The following KIAA1217 variants were observed in gnomAD, a reference collection of about 807,000 sequenced individuals.
KIAA1217 encodes the protein sickle tail protein homolog.
Under a neutral mutation model 163.9 loss-of-function variants are expected in KIAA1217, and 88 were observed. The ratio of observed to expected loss-of-function variants is 0.54; its 90% confidence interval spans 0.45 to 0.64. KIAA1217 has a LOEUF of 0.64. KIAA1217 is among the 30% of genes least tolerant of loss of function. KIAA1217 has a pLI of 0.00. For missense variants in KIAA1217, 2,372 were observed against 2,475.0 expected (o/e 0.96, Z 0.88); for synonymous variants, 903 against 923.1 (o/e 0.98, Z 0.39).
intron 2 of KIAA1217, among the ~76,000 whole-genome samples, chr10:24,099,573 ATATATATATATAT>A (rs1224134134): frequency 6.9e-6 from 1 of 144,770 alleles, no homozygotes; most frequent in East Asian, 2.0e-4. Flanking sequence ...TTTTCTTTAT[ATATATATATATAT>A]TATATATATA....
chr10:24,310,347 C>T (rs997202666), intron 2 of KIAA1217, among the ~76,000 whole-genome samples: 5 of 152,110 alleles, frequency 3.3e-5, no homozygotes, highest in African/African-American at 9.7e-5. Flanking sequence ...AGAAGGAAAC[C>T]GAAGCTGGTG....
In KIAA1217 at chr10:23,926,049, C is replaced by T. The variant is rs532062834; in HGVS notation, c.-320-81176C>T. 1.4e-3 allele frequency among the ~76,000 whole-genome samples: 218 copies of T among 152,280 alleles called. 3 individuals carry two copies. Among genetic ancestry groups the T allele is most frequent in the African/African-American group, 4.8e-3 (201 of 41,558 alleles). ...TGGTCCTCGATCCAGGCAGACCTCCCCATACTGAGGCAGAGACTGCACCTG... is the reference window on the plus strand; with the variant it reads ...TGGTCCTCGATCCAGGCAGACCTCCTCATACTGAGGCAGAGACTGCACCTG... On this transcript the variant is annotated intron_variant, in intron 1 of 18. Transcript: ENST00000376462.
At chr10:23,979,384 A>G (rs1845672149) in intron 1 of KIAA1217, among the ~76,000 whole-genome samples, 1 of 152,120 alleles carries the variant, frequency 6.6e-6, no homozygotes, top group Non-Finnish European at 1.5e-5. Flanking sequence ...GAGAATTTAT[A>G]TTTTAAGGTG....
chr10:24,043,296 G>A (rs2131561747), intron 2 of KIAA1217, among the ~76,000 whole-genome samples: 1 of 152,228 alleles, frequency 6.6e-6, no homozygotes, highest in African/African-American at 2.4e-5. Context: ...TGATTTTATA[G>A]TAAGATAAAA....
In KIAA1217 at chr10:24,544,456, C is replaced by G. The variant is rs371210365; in HGVS notation, c.5186C>G (p.Thr1729Arg). Reference protein sequence around the residue: ...DEGPTALEPPTSIPSASRKGS... With the variant: ...DEGPTALEPPRSIPSASRKGS... Reference sequence around the variant, plus strand: ...GGTCCCACTGCCCTAGAGCCCCCTACGTCGATACCTTCAGCTTCACGTAAG... The same window carrying G: ...GGTCCCACTGCCCTAGAGCCCCCTAGGTCGATACCTTCAGCTTCACGTAAG... Residue 1729 changes from threonine to arginine, a missense_variant, in exon 19 of 21, where the codon ACG (threonine) becomes AGG (arginine). By Grantham distance (71) the Thr-to-Arg change is moderately conservative. This residue lies in a region of KIAA1217 where 690 missense variants were observed against 677.5 expected (regional missense o/e 1.02). Coordinates refer to ENST00000376454, the MANE Select transcript of KIAA1217 (RefSeq NM_019590.5). 1.9e-6 allele frequency: 3 copies of G among 1,613,250 alleles called. No individual in the cohort carries two copies. The highest frequency in any genetic ancestry group is 2.2e-5 in the South Asian group (2 of 91,038).
At chr10:24,185,534 C>G (rs1443486314) in intron 2 of KIAA1217, among the ~76,000 whole-genome samples, 1 of 152,164 alleles carries the variant, frequency 6.6e-6, no homozygotes, top group East Asian at 1.9e-4. Context: ...GTGGCTCATG[C>G]CTGTAATCCC....
At chr10:23,794,018 C>T (rs1230178363) in intron 1 of KIAA1217, among the ~76,000 whole-genome samples, 2 of 152,184 alleles carry the variant, frequency 1.3e-5, no homozygotes, top group Non-Finnish European at 2.9e-5. Flanking sequence ...TATTGCCCTT[C>T]CAAATAGTCT....
At chr10:24,138,465 T>A (rs1040627459) in intron 2 of KIAA1217, among the ~76,000 whole-genome samples, 1 of 152,226 alleles carries the variant, frequency 6.6e-6, no homozygotes, top group Non-Finnish European at 1.5e-5. Flanking sequence ...TTTTTTCACA[T>A]ACTTGCAATT....
intron 2 of KIAA1217, among the ~76,000 whole-genome samples, chr10:24,264,999 T>A (rs1400151218): frequency 6.6e-6 from 1 of 152,198 alleles, no homozygotes; most frequent in South Asian, 2.1e-4. Flanking sequence ...TACAAGTGTG[T>A]GCCACTACCC....
chr10:24,046,382 A>C (rs1373638831), intron 2 of KIAA1217, among the ~76,000 whole-genome samples: 1 of 152,182 alleles, frequency 6.6e-6, no homozygotes, highest in East Asian at 1.9e-4. Flanking sequence ...TTTGCTGATA[A>C]GGAAACAGAC....
At chr10:23,953,799 A>G (rs1005699757) in intron 1 of KIAA1217, among the ~76,000 whole-genome samples, 2 of 152,228 alleles carry the variant, frequency 1.3e-5, no homozygotes, top group African/African-American at 2.4e-5. Context: ...TAATGGATTA[A>G]TTGACCCATA....
intron 5 of KIAA1217, among the ~76,000 whole-genome samples, chr10:24,453,692 G>A (rs1314340681): frequency 6.6e-6 from 1 of 152,202 alleles, no homozygotes; most frequent in Admixed American, 6.5e-5. Context: ...ATTACTTTCA[G>A]AGTTGTTCAT....
chr10:24,538,979 G>A lies in KIAA1217; in HGVS notation c.3534+2086G>A, dbSNP rs1361965201. Among the ~76,000 whole-genome samples the A allele has an allele frequency of 9.2e-5, 14 of 151,960 alleles. No individual in the cohort carries two copies. In the South Asian group the frequency reaches 1.7e-3, roughly 18 times the overall value. ...GAACTCCTGACCTCGTGATCCACCC[G>A]CCTCAGCCTCTCAAAATGCTGGGAT... is the stretch of plus-strand genomic sequence containing the variant. On this transcript the variant is annotated intron_variant, in intron 17 of 20. Coordinates refer to ENST00000376454, the MANE Select transcript of KIAA1217 (RefSeq NM_019590.5).
intron 2 of KIAA1217, among the ~76,000 whole-genome samples, chr10:24,165,549 G>A (rs779224199): frequency 1.4e-4 from 21 of 152,128 alleles, no homozygotes; most frequent in African/African-American, 5.1e-4. Flanking sequence ...AACATTTTCT[G>A]TACCCATGGG....
intron 2 of KIAA1217, among the ~76,000 whole-genome samples, chr10:24,285,582 GT>G (rs1407413550): frequency 6.6e-6 from 1 of 152,108 alleles, no homozygotes; most frequent in Non-Finnish European, 1.5e-5. Context: ...GTCTATTTTT[GT>G]ACCAGCACCA....
At chr10:24,101,566 T>G (rs1387134929) in intron 2 of KIAA1217, among the ~76,000 whole-genome samples, 1 of 152,176 alleles carries the variant, frequency 6.6e-6, no homozygotes, top group Non-Finnish European at 1.5e-5. Flanking sequence ...TTATTATTGC[T>G]ATACTTGGGA....
intron 2 of KIAA1217, among the ~76,000 whole-genome samples, chr10:24,041,041 C>T (rs1848608119): frequency 6.6e-6 from 1 of 152,220 alleles, no homozygotes; most frequent in African/African-American, 2.4e-5. Flanking sequence ...TATGCTCTTT[C>T]CAGCACATAA....
intron 2 of KIAA1217, among the ~76,000 whole-genome samples, chr10:24,194,003 A>G (rs925801191): frequency 6.6e-6 from 1 of 152,066 alleles, no homozygotes; most frequent in African/African-American, 2.4e-5. Context: ...CCTGGCCAAC[A>G]TGGCGAAACC....
chr10:23,999,153 G>A (rs539881965), intron 1 of KIAA1217, among the ~76,000 whole-genome samples: 2 of 152,224 alleles, frequency 1.3e-5, no homozygotes, highest in Admixed American at 6.5e-5. Context: ...CAAATAAAGC[G>A]GTTTGCATGG....
Sources: allele counts gnomAD v4.1 joint callset (sites outside exome capture counted in the v4.1 genomes callset), GRCh38; gene constraint gnomAD v4.1.1; regional missense constraint gnomAD v4.1.1; transcripts MANE v1.5; gene names NCBI Gene and HGNC (gene_info 2026-07-23, HGNC 2026-07-21).